Variants in IRF2 observed in about 807,000 individuals in gnomAD.
IRF2 encodes interferon regulatory factor 2.
In IRF2, 15 loss-of-function variants were observed where a neutral mutation model predicts 40.6. The ratio of observed to expected loss-of-function variants is 0.37; its 90% CI spans 0.25 to 0.57. The LOEUF is 0.57. Ranked by LOEUF, IRF2 falls within the 20% of genes least tolerant of loss-of-function variation. IRF2 has a pLI of 0.77. For synonymous variants in IRF2, 151 were observed against 165.5 expected, an observed-to-expected ratio of 0.91 and a Z score of 0.67; for missense variants, 317 against 455.7, an observed-to-expected ratio of 0.70 and a Z score of 2.77.
At chr4:184,461,216 C>A (rs1394007559) in intron 1 of IRF2, among the ~76,000 whole-genome samples, 1 of 152,138 alleles carries the variant, frequency 6.6e-6, no homozygotes, top group African/African-American at 2.4e-5. Context: ...TTCCATGTTC[C>A]AAACTAAATG....
At chr4:184,473,707 C>G (rs1419137909) in intron 1 of IRF2, among the ~76,000 whole-genome samples, 2 of 150,680 alleles carry the variant, frequency 1.3e-5, no homozygotes, top group East Asian at 3.9e-4. Context: ...GCCCGGCAGG[C>G]AGGCGAGCCC....
At chr4:184,429,153 T>C (rs807684) in intron 1 of IRF2, 83 bp from the exon 2 acceptor site, 232,074 of 934,108 alleles carry the variant, frequency 0.25, 33,885 homozygotes, top group Middle Eastern at 0.38. Context: ...CCCGCCTGAC[T>C]CTTTCCTTCT....
intron 5 of IRF2, among the ~76,000 whole-genome samples, chr4:184,415,317 A>G (rs1056858056): frequency 1.3e-5 from 2 of 152,236 alleles, no homozygotes; most frequent in African/African-American, 4.8e-5. Context: ...CATAAAACAC[A>G]CTTGGCTGAG....
At chr4:184,419,727 T>TC (rs1242269789) in intron 2 of IRF2, among the ~76,000 whole-genome samples, 159 bp from the exon 3 acceptor site, 1 of 152,042 alleles carries the variant, frequency 6.6e-6, no homozygotes, top group Non-Finnish European at 1.5e-5. Context: ...CAAACCCACT[T>TC]CCCCCGCTGG....
At chr4:184,457,881 C>T (rs546292995) in intron 1 of IRF2, among the ~76,000 whole-genome samples, 17 of 152,154 alleles carry the variant, frequency 1.1e-4, no homozygotes, top group Admixed American at 6.5e-4. Context: ...GCTGTATCCT[C>T]GGAACAAAAC....
intron 2 of IRF2, chr4:184,428,662 G>T (rs1472589584): frequency 2.1e-6 from 1 of 467,592 alleles, no homozygotes; most frequent in Non-Finnish European, 4.2e-6. Flanking sequence ...GGCCAGGTGT[G>T]GTGACGTTTA....
At chr4:184,403,886 C>T (rs1370204261) in intron 6 of IRF2, among the ~76,000 whole-genome samples, 1 of 152,094 alleles carries the variant, frequency 6.6e-6, no homozygotes, top group Admixed American at 6.6e-5. Context: ...TTATTAAAGT[C>T]AGCACATCTG....
Position 184,450,909 on chromosome 4 carries a change from G to A in IRF2, c.-6-21839C>T, listed in dbSNP as rs546446667. Among the ~76,000 whole-genome samples, 96 of 152,260 alleles carry A rather than the reference G, an allele frequency of 6.3e-4. 1 individual carries two copies. The Middle Eastern group carries it at 0.01, about 16-fold the overall frequency. On this transcript the variant is annotated intron_variant, in intron 1 of 8. Transcript: ENST00000393593. ...CCACACCGTCCACTGAGACCAGTAC[G>A]TAAGCAACTGCTCCATTTCACATGC...
At chr4:184,401,462 G>A (rs1736663204) in intron 6 of IRF2, among the ~76,000 whole-genome samples, 1 of 152,156 alleles carries the variant, frequency 6.6e-6, no homozygotes, top group African/African-American at 2.4e-5. Context: ...GGTTTTCCTG[G>A]TGGGGATAAA....
chr4:184,457,273 G>A (rs1479778630), intron 1 of IRF2, among the ~76,000 whole-genome samples: 1 of 152,170 alleles, frequency 6.6e-6, no homozygotes, highest in African/African-American at 2.4e-5. Flanking sequence ...AATATGGCAC[G>A]GGCAGCTCTG....
intron 5 of IRF2, among the ~76,000 whole-genome samples, chr4:184,411,201 G>A (rs541539884): frequency 6.6e-6 from 1 of 152,174 alleles, no homozygotes; most frequent in East Asian, 1.9e-4. Context: ...GGGATTACAG[G>A]TGCCTGCCAC....
At chr4:184,428,938 AG>A in intron 2 of IRF2, 39 bp downstream of exon 2, 1 of 1,503,324 alleles carries the variant, frequency 6.7e-7, no homozygotes, top group South Asian at 1.1e-5. Context: ...TGTTTCAGCC[AG>A]GACCTCTCTC....
chr4:184,391,447 C>T (rs1443043388), intron 7 of IRF2, among the ~76,000 whole-genome samples: 5 of 152,202 alleles, frequency 3.3e-5, no homozygotes, highest in Non-Finnish European at 7.3e-5. Flanking sequence ...GCCTTGCTGG[C>T]CTTGATAAAG....
intron 1 of IRF2, among the ~76,000 whole-genome samples, chr4:184,470,313 A>T (rs541346020): frequency 6.6e-6 from 1 of 152,226 alleles, no homozygotes; most frequent in Non-Finnish European, 1.5e-5. Flanking sequence ...ATCAGTTAAT[A>T]TTTACTTTCA....
chr4:184,416,475 A>C (rs1737281033), intron 5 of IRF2, among the ~76,000 whole-genome samples: 1 of 152,176 alleles, frequency 6.6e-6, no homozygotes, highest in Non-Finnish European at 1.5e-5. Context: ...ACATTCAAAA[A>C]TCACATGTGG....
At chr4:184,406,583 T>C (rs1289855051) in intron 6 of IRF2, among the ~76,000 whole-genome samples, 1 of 152,126 alleles carries the variant, frequency 6.6e-6, no homozygotes, top group East Asian at 1.9e-4. Context: ...CAATAAAATA[T>C]GGCAAAAAGA....
At chr4:184,399,618 A>G (rs1258337713) in intron 6 of IRF2, among the ~76,000 whole-genome samples, 3 of 152,264 alleles carry the variant, frequency 2.0e-5, no homozygotes, top group African/African-American at 7.2e-5. Context: ...TTGTATGAAC[A>G]TAAGTTTCCA....
chr4:184,392,232 G>A (rs1736284405), intron 7 of IRF2, among the ~76,000 whole-genome samples: 1 of 152,136 alleles, frequency 6.6e-6, no homozygotes, highest in Non-Finnish European at 1.5e-5. Flanking sequence ...TACAGACAAG[G>A]CCTAAAGAGT....
chr4:184,412,658 A>C (rs1319473473), intron 5 of IRF2, among the ~76,000 whole-genome samples: 2 of 152,216 alleles, frequency 1.3e-5, no homozygotes, highest in Non-Finnish European at 2.9e-5. Context: ...CACTGACAAC[A>C]GAAGCTCTCG....
Sources: allele counts gnomAD v4.1 joint callset (sites outside exome capture counted in the v4.1 genomes callset), GRCh38; gene constraint gnomAD v4.1.1; transcripts MANE v1.5; gene names NCBI Gene and HGNC (gene_info 2026-07-23, HGNC 2026-07-21).